ACTN4: variants seen among roughly 807,000 people sequenced by gnomAD.
ACTN4 encodes actinin alpha 4, also known as alpha-actinin-4.
ACTN4 carries 18 observed loss-of-function variants against 114.2 expected under a neutral mutation model. The ratio of observed to expected loss-of-function variants is 0.16; its 90% CI spans 0.11 to 0.23. The LOEUF (loss-of-function observed/expected upper bound fraction) is 0.23. Ranked by LOEUF, ACTN4 falls within the 10% of genes least tolerant of loss-of-function variation. The probability of loss-of-function intolerance (pLI) is 1.00; values close to 1 mark genes in which losing one functional copy is unlikely to be tolerated. For missense variants in ACTN4, 722 were observed against 1,262.9 expected, an observed-to-expected ratio of 0.57 and a Z score of 6.49; for synonymous variants, 515 against 506.3, an observed-to-expected ratio of 1.02 and a Z score of -0.23.
At chr19:38,671,777 AGTCT>A (rs145623259) in intron 1 of ACTN4, among the ~76,000 whole-genome samples, 2,149 of 152,330 alleles carry the variant, frequency 0.014, 57 homozygotes, top group African/African-American at 0.047. Flanking sequence ...TGGAGCAGGC[AGTCT>A]GTCTGGGAAA....
At chr19:38,728,758 CAG>C (rs1969357214) in intron 19 of ACTN4, among the ~76,000 whole-genome samples, 2 of 152,336 alleles carry the variant, frequency 1.3e-5, no homozygotes, top group African/African-American at 4.8e-5. Context: ...GGGGAGGGTG[CAG>C]AGAGGCCCTG....
chr19:38,702,259 C>A (rs1240696577), intron 3 of ACTN4, among the ~76,000 whole-genome samples: 1 of 152,162 alleles, frequency 6.6e-6, no homozygotes, highest in Non-Finnish European at 1.5e-5. Context: ...CTGTTCATGC[C>A]CAAATTGGTT....
chr19:38,705,992 TTC>T, intron 4 of ACTN4, 50 bp from the exon 5 acceptor site: 1 of 1,595,932 alleles, frequency 6.3e-7, no homozygotes, highest in Non-Finnish European at 8.6e-7. Flanking sequence ...TTGGGCTGAG[TTC>T]TGAGGGTTTA....
intron 1 of ACTN4, among the ~76,000 whole-genome samples, chr19:38,653,683 C>T (rs984404885): frequency 2.0e-5 from 3 of 152,196 alleles, no homozygotes; most frequent in African/African-American, 7.2e-5. Context: ...CAGTTTCCTT[C>T]CTTTGCCTTC....
chr19:38,688,213 GC>G (rs1308079044), intron 1 of ACTN4, among the ~76,000 whole-genome samples: 1 of 152,080 alleles, frequency 6.6e-6, no homozygotes, highest in Non-Finnish European at 1.5e-5. Context: ...TTGGAGACCA[GC>G]CTGGGCATCA....
intron 11 of ACTN4, among the ~76,000 whole-genome samples, chr19:38,718,535 CA>C (rs199515584): frequency 4.7e-5 from 7 of 149,902 alleles, no homozygotes; most frequent in Non-Finnish European, 8.9e-5. Flanking sequence ...GACCCTGTCT[CA>C]AAAAAAAAGG....
rs1277254346 is a variant in ACTN4, at chr19:38,726,877, TTCACAGTCC to T, written c.2191-77_2191-69del. The stretch of plus-strand genomic sequence containing the variant: ...GGCTTTCCCCAGGGCGGGAGGACAG[TTCACAGTCC>T]TCCACGTGTGAACCACGGTGAGGAC... On this transcript the variant is annotated intron_variant, in intron 17 of 20. Transcript: ENST00000252699. 3 of 1,595,170 alleles carry T rather than the reference TTCACAGTCC, an allele frequency of 1.9e-6. No homozygotes were observed. The African/African-American group carries it at 4.0e-5, about 21-fold the overall frequency.
chr19:38,709,795 G>A lies in ACTN4; in HGVS notation c.733+319G>A, dbSNP rs1025802503. Among the ~76,000 whole-genome samples the A allele has an allele frequency of 1.3e-4, 20 of 152,210 alleles. 1 individual carries two copies. The highest frequency in any genetic ancestry group is 1.2e-3 in the Admixed American group (19 of 15,286). On this transcript the variant is annotated intron_variant, in intron 7 of 20. Transcript: ENST00000252699. ...GGAAGGGCAAGGTGGCTGAGGAGGG[G>A]TGCTTCAGGCTTCCTGCGAGCAACC...
intron 1 of ACTN4, among the ~76,000 whole-genome samples, chr19:38,687,564 C>T (rs1967787393): frequency 6.6e-6 from 1 of 152,194 alleles, no homozygotes; most frequent in South Asian, 2.1e-4. Flanking sequence ...GCAGGAACAA[C>T]TATTAATAGA....
At chr19:38,673,529 ATATATACT>A (rs1568689716) in intron 1 of ACTN4, among the ~76,000 whole-genome samples, 14 of 112,202 alleles carry the variant, frequency 1.2e-4, no homozygotes, top group Non-Finnish European at 2.0e-4. Context: ...ATATATATTC[ATATATACT>A]TATATATATT....
At chr19:38,708,085 C>A in intron 5 of ACTN4, 32 bp from the exon 6 acceptor site, 1 of 1,609,466 alleles carries the variant, frequency 6.2e-7, no homozygotes, top group East Asian at 2.2e-5. Flanking sequence ...AGTGAGCGGG[C>A]CCTCCTATAA....
At position 38,723,937 on chromosome 19, in the gene ACTN4, A is replaced by G. The variant is rs1969136947; in HGVS notation, c.1552A>G (p.Lys518Glu). 1 of 1,612,958 alleles carries G rather than the reference A, an allele frequency of 6.2e-7. No homozygotes were observed. The highest frequency in any genetic ancestry group is 8.5e-7 in the Non-Finnish European group (1 of 1,179,848). The change falls in exon 14 of 21, where the codon AAA (lysine) becomes GAA (glutamate). Residue 518 changes from lysine (K) to glutamate (E), a missense_variant and splice_region_variant. Physicochemically the swap from Lys to Glu is moderately conservative, Grantham distance 56. This residue lies in a region of ACTN4 where 523 missense variants were observed against 875.9 expected (regional missense o/e 0.60). Coordinates refer to ENST00000252699, the MANE Select transcript of ACTN4 (RefSeq NM_004924.6). ...LTHSRREALE[K>E]TEKQLEAIDQ... Reference sequence around the variant, plus strand: ...TGCCCCCTTCCCTCCCACACACTAGAAAACAGAGAAGCAGCTGGAGGCCAT... The same window carrying G: ...TGCCCCCTTCCCTCCCACACACTAGGAAACAGAGAAGCAGCTGGAGGCCAT...
chr19:38,672,761 C>T (rs1326587633), intron 1 of ACTN4, among the ~76,000 whole-genome samples: 17 of 151,370 alleles, frequency 1.1e-4, no homozygotes, highest in South Asian at 4.2e-4. Context: ...TTAGTAGAGA[C>T]GGGGTTTCTC....
At position 38,724,878 on chromosome 19, in the gene ACTN4, G is replaced by A. The variant is rs1969180724; in HGVS notation, c.2010+313G>A. Reference sequence around the variant, plus strand: ...AATTAGCTGGGCATGATGGTGCGCAGCCCAAGGAGGTCGAGGCTGCCGTGA... The same window carrying A: ...AATTAGCTGGGCATGATGGTGCGCAACCCAAGGAGGTCGAGGCTGCCGTGA... On this transcript the variant is annotated intron_variant, in intron 16 of 20. Coordinates refer to ENST00000252699, the MANE Select transcript of ACTN4 (RefSeq NM_004924.6). The surrounding 1 kb of genome is among the most constrained non-coding windows in gnomAD (Gnocchi z 7.0). Among the ~76,000 whole-genome samples, 1 of 152,284 alleles carries A rather than the reference G, an allele frequency of 6.6e-6. No homozygotes were observed. The highest frequency in any genetic ancestry group is 1.5e-5 in the Non-Finnish European group (1 of 68,004).
chr19:38,712,248 G>GT (rs1451374648), intron 8 of ACTN4, among the ~76,000 whole-genome samples: 1 of 151,542 alleles, frequency 6.6e-6, no homozygotes, highest in Non-Finnish European at 1.5e-5. Flanking sequence ...AAACTAGAAG[G>GT]GGGGGGCCGT....
Position 38,673,757 on chromosome 19 carries a change from T to A in ACTN4, c.162+25850T>A, listed in dbSNP as rs181471534. On this transcript the variant is annotated intron_variant, in intron 1 of 20. Transcript: ENST00000252699. ...TATATTTATATATTTATATATATTT[T>A]TATATATATATATTTATATATGTAT... Among the ~76,000 whole-genome samples the A allele has an allele frequency of 9.8e-3, 994 of 101,084 alleles. 110 individuals are homozygous for A. Among genetic ancestry groups the A allele is most frequent in the South Asian group, 0.031 (113 of 3,678 alleles). 66.3% of individuals were successfully genotyped at this position (101,084 alleles called of 152,430 possible).
intron 13 of ACTN4, 92 bp downstream of exon 13, chr19:38,723,814 C>T: frequency 2.1e-6 from 3 of 1,458,196 alleles, no homozygotes; most frequent in Non-Finnish European, 2.8e-6. Context: ...TGAGCTCCCC[C>T]CACCTCCCAC....
At chr19:38,709,202 C>T (rs1022130620) in intron 6 of ACTN4, among the ~76,000 whole-genome samples, 193 bp from the exon 7 acceptor site, 2 of 152,210 alleles carry the variant, frequency 1.3e-5, no homozygotes, top group Non-Finnish European at 2.9e-5. Flanking sequence ...TCACGAGGCA[C>T]TCCTGTGAGT....
chr19:38,700,096 C>A (rs1250477368), intron 1 of ACTN4, among the ~76,000 whole-genome samples: 2 of 152,106 alleles, frequency 1.3e-5, no homozygotes, highest in Admixed American at 6.6e-5. Flanking sequence ...CCAGCTGGGG[C>A]CTTTGGGTCT....
Sources: allele counts gnomAD v4.1 joint callset (sites outside exome capture counted in the v4.1 genomes callset), GRCh38; gene constraint gnomAD v4.1.1; regional missense constraint gnomAD v4.1.1; non-coding constraint Gnocchi (gnomAD v3.1); transcripts MANE v1.5; gene names NCBI Gene and HGNC (gene_info 2026-07-23, HGNC 2026-07-21).